The following ARL15 variants were observed in gnomAD, a reference collection of about 807,000 sequenced individuals.
ARL15 encodes the protein ADP-ribosylation factor-like protein 15.
A neutral mutation model predicts 25.2 loss-of-function variants in ARL15; 19 were observed. That is an observed-to-expected ratio of 0.75 (90% CI 0.53 to 1.10). The LOEUF (loss-of-function observed/expected upper bound fraction) is 1.10. ARL15 is among the 50% of genes least tolerant of loss of function. The pLI is 0.00. For synonymous variants in ARL15, 94 were observed against 86.8 expected (o/e 1.08, Z -0.46); for missense variants, 220 against 246.0 (o/e 0.89, Z 0.71).
chr5:54,248,634 G>A (rs1460752634), intron 1 of ARL15, among the ~76,000 whole-genome samples: 1 of 152,134 alleles, frequency 6.6e-6, no homozygotes, highest in Non-Finnish European at 1.5e-5. Flanking sequence ...GCTAATTGTA[G>A]GTCTTCTCTA....
At chr5:53,946,882 A>C (rs1316404829) in intron 4 of ARL15, among the ~76,000 whole-genome samples, 1 of 152,178 alleles carries the variant, frequency 6.6e-6, no homozygotes, top group Non-Finnish European at 1.5e-5. Context: ...AGGAAAGGAG[A>C]AGAAAAGGGA....
chr5:54,200,510 A>T (rs1362599107), intron 1 of ARL15, among the ~76,000 whole-genome samples: 1 of 144,056 alleles, frequency 6.9e-6, no homozygotes, highest in African/African-American at 2.7e-5. Context: ...TGGCAATAAG[A>T]AACAGGCTAT....
intron 3 of ARL15, among the ~76,000 whole-genome samples, chr5:54,117,353 GC>G (rs1451973036): frequency 8.0e-6 from 1 of 125,548 alleles, no homozygotes; most frequent in Admixed American, 8.4e-5. Flanking sequence ...TATGGTACCT[GC>G]AAATAGTGAG....
intron 4 of ARL15, among the ~76,000 whole-genome samples, chr5:53,898,260 G>A (rs907659736): frequency 6.6e-6 from 1 of 151,542 alleles, no homozygotes; most frequent in African/African-American, 2.4e-5. Context: ...ATATTCACAA[G>A]GAATATTGGT....
intron 4 of ARL15, among the ~76,000 whole-genome samples, chr5:54,076,517 A>G (rs1312057621): frequency 6.6e-6 from 1 of 152,248 alleles, no homozygotes; most frequent in East Asian, 1.9e-4. Flanking sequence ...ATATACGTCA[A>G]TATTAAATCC....
intron 1 of ARL15, among the ~76,000 whole-genome samples, chr5:54,254,262 T>G (rs920004909): frequency 1.1e-4 from 17 of 152,206 alleles, no homozygotes; most frequent in African/African-American, 3.9e-4. Context: ...GTTGTCAATT[T>G]CATGATGCAC....
chr5:54,149,357 A>G (rs183011576), intron 3 of ARL15, among the ~76,000 whole-genome samples: 7 of 152,278 alleles, frequency 4.6e-5, no homozygotes, highest in Admixed American at 4.6e-4. Context: ...AACAGGTGTA[A>G]TATCTTGTTT....
chr5:54,033,025 G>A (rs541656338), intron 4 of ARL15, among the ~76,000 whole-genome samples: 2 of 149,912 alleles, frequency 1.3e-5, no homozygotes, highest in Admixed American at 6.6e-5. Context: ...GCTATATAAG[G>A]TTAAAAAAAA....
chr5:54,020,499 T>A (rs1015286561), intron 4 of ARL15, among the ~76,000 whole-genome samples: 1 of 151,996 alleles, frequency 6.6e-6, no homozygotes. Flanking sequence ...TCCAACCCCA[T>A]TGAACAAGTA....
At chr5:53,890,980 G>A (rs1744688975) in intron 4 of ARL15, among the ~76,000 whole-genome samples, 1 of 152,154 alleles carries the variant, frequency 6.6e-6, no homozygotes, top group Non-Finnish European at 1.5e-5. Context: ...GGGCAGTGAT[G>A]CTCTCTGATT....
intron 4 of ARL15, among the ~76,000 whole-genome samples, chr5:54,070,147 T>C (rs1038313133): frequency 6.6e-6 from 1 of 150,522 alleles, no homozygotes; most frequent in African/African-American, 2.4e-5. Context: ...TCCCAGCACT[T>C]TGGGAGGCCG....
intron 2 of ARL15, among the ~76,000 whole-genome samples, chr5:54,157,016 A>G (rs277332): frequency 0.8 from 121,328 of 152,184 alleles, 48,435 homozygotes; most frequent in Admixed American, 0.84. Flanking sequence ...TGGATTAAAA[A>G]GCAATGATGG....
At chr5:54,121,151 G>T (rs149800243) in intron 3 of ARL15, among the ~76,000 whole-genome samples, 1 of 151,990 alleles carries the variant, frequency 6.6e-6, no homozygotes, top group Non-Finnish European at 1.5e-5. Flanking sequence ...GTGTTTTTTC[G>T]TCTGTGACTA....
intron 4 of ARL15, among the ~76,000 whole-genome samples, chr5:53,963,540 G>A (rs1747438957): frequency 6.6e-6 from 1 of 152,156 alleles, no homozygotes; most frequent in South Asian, 2.1e-4. Flanking sequence ...GGGCGCAGTG[G>A]CTCACGCCTG....
intron 4 of ARL15, among the ~76,000 whole-genome samples, chr5:53,973,841 G>T (rs1007239564): frequency 5.9e-5 from 9 of 152,070 alleles, no homozygotes; most frequent in African/African-American, 2.2e-4. Flanking sequence ...AAAGGTATAA[G>T]CTGAAATGAT....
chr5:54,122,095 T>C (rs1273651058), intron 3 of ARL15, among the ~76,000 whole-genome samples: 2 of 152,214 alleles, frequency 1.3e-5, no homozygotes, highest in African/African-American at 4.8e-5. Flanking sequence ...AAACCAATGT[T>C]ATAAAAAAAT....
chr5:54,287,654 A>C (rs1408318120), intron 1 of ARL15, among the ~76,000 whole-genome samples: 2 of 152,134 alleles, frequency 1.3e-5, no homozygotes, highest in Non-Finnish European at 2.9e-5. Flanking sequence ...TACTAATTAA[A>C]ATGCATTCAT....
chr5:54,208,511 C>A (rs1331921044), intron 1 of ARL15, among the ~76,000 whole-genome samples: 1 of 152,030 alleles, frequency 6.6e-6, no homozygotes, highest in Admixed American at 6.6e-5. Flanking sequence ...TCACCACCAC[C>A]AGAAAAAGTA....
chr5:54,291,560 A>G (rs1168158852), intron 1 of ARL15, among the ~76,000 whole-genome samples: 2 of 152,206 alleles, frequency 1.3e-5, no homozygotes, highest in African/African-American at 4.8e-5. Context: ...GCTAACTATA[A>G]TAATACTAAA....
Sources: gnomAD v4.1 joint callset for allele counts (sites outside exome capture counted in the v4.1 genomes callset) on GRCh38, gnomAD v4.1.1 for gene constraint, MANE v1.5 for transcripts, NCBI Gene and HGNC (gene_info 2026-07-23, HGNC 2026-07-21) for gene names.